The following KCNT2 variants were observed in gnomAD, a reference collection of about 807,000 sequenced individuals.
KCNT2 encodes potassium channel subfamily T member 2.
A neutral mutation model predicts 153.8 loss-of-function variants in KCNT2; 67 were observed. The ratio of observed to expected loss-of-function variants is 0.44; its 90% CI spans 0.36 to 0.53. The LOEUF is 0.53. Ranked by LOEUF, KCNT2 falls within the 20% of genes least tolerant of loss-of-function variation. The pLI, the probability that KCNT2 is intolerant of heterozygous loss-of-function variation, is 0.00. For synonymous variants in KCNT2, 500 were observed against 458.8 expected (o/e 1.09, Z -1.15); for missense variants, 975 against 1,354.8 (o/e 0.72, Z 4.40).
At chr1:196,437,330 ATATTTTTATT>A (rs1674805171) in intron 8 of KCNT2, among the ~76,000 whole-genome samples, 1 of 136,266 alleles carries the variant, frequency 7.3e-6, no homozygotes, top group Non-Finnish European at 1.6e-5. Context: ...ATACATAAAC[ATATTTTTATT>A]TATTTTTATT....
intron 13 of KCNT2, among the ~76,000 whole-genome samples, chr1:196,375,555 C>G (rs1269098280): frequency 6.6e-6 from 1 of 151,204 alleles, no homozygotes; most frequent in Non-Finnish European, 1.5e-5. Flanking sequence ...CTTTTTTTCC[C>G]ACTGTCTTCT....
At chr1:196,582,375 G>T (rs1662170819) in intron 1 of KCNT2, 1 of 154,104 alleles carries the variant, frequency 6.5e-6, no homozygotes, top group Admixed American at 6.6e-5. Flanking sequence ...AGGAGCTAAA[G>T]ATCCATGAAT....
At chr1:196,314,036 A>ATATG (rs1662458779) in intron 21 of KCNT2, among the ~76,000 whole-genome samples, 1 of 151,584 alleles carries the variant, frequency 6.6e-6, no homozygotes, top group Admixed American at 6.6e-5. Flanking sequence ...TAGTTGCCAT[A>ATATG]TATGTATCTG....
chr1:196,258,596 C>T lies in KCNT2; in HGVS notation c.2911-102G>A, dbSNP rs898088958. ...GCTAATATATTGTTATATTTCTACT[C>T]AGGAGAGTTTTCACAGAAAGAGCAA... On this transcript the variant is annotated intron_variant, in intron 25 of 27. Coordinates refer to ENST00000294725, the MANE Select transcript of KCNT2 (RefSeq NM_198503.5). The T allele has an allele frequency of 4.2e-6, 4 of 950,954 alleles. No individual in the cohort carries two copies. The South Asian group carries it at 4.6e-5, about 11-fold the overall frequency. 58.9% of individuals were successfully genotyped at this position (950,954 alleles called of 1,614,324 possible).
At chr1:196,470,876 C>CTTT (rs71154745) in intron 5 of KCNT2, among the ~76,000 whole-genome samples, 4 of 75,904 alleles carry the variant, frequency 5.3e-5, no homozygotes, top group African/African-American at 2.0e-4. Context: ...TTCTTTCTTT[C>CTTT]TTTTTTTTTT....
chr1:196,516,076 G>A (rs1450365376), intron 1 of KCNT2, among the ~76,000 whole-genome samples: 1 of 152,146 alleles, frequency 6.6e-6, no homozygotes, highest in South Asian at 2.1e-4. Context: ...GGTCAGACCT[G>A]CGTACATACC....
chr1:196,608,014 A>G (rs1347422118), intron 1 of KCNT2, among the ~76,000 whole-genome samples: 1 of 152,202 alleles, frequency 6.6e-6, no homozygotes, highest in African/African-American at 2.4e-5. Context: ...AGTGTAAAGA[A>G]AAAGAGTTCC....
intron 1 of KCNT2, among the ~76,000 whole-genome samples, chr1:196,499,996 T>C (rs1284849839): frequency 6.6e-6 from 1 of 151,694 alleles, no homozygotes; most frequent in African/African-American, 2.4e-5. Context: ...ATACAAAAAT[T>C]AGCTGGGTGT....
At chr1:196,554,351 G>A (rs1315566210) in intron 1 of KCNT2, among the ~76,000 whole-genome samples, 1 of 151,076 alleles carries the variant, frequency 6.6e-6, no homozygotes. Context: ...GAAATTCAAA[G>A]GATCATTAGT....
intron 10 of KCNT2, among the ~76,000 whole-genome samples, chr1:196,426,961 T>C (rs1673708846): frequency 1.3e-5 from 2 of 151,996 alleles, no homozygotes; most frequent in South Asian, 4.1e-4. Context: ...CCCAGACATG[T>C]TTCCAGTATA....
intron 27 of KCNT2, among the ~76,000 whole-genome samples, chr1:196,229,174 G>A (rs1653733852): frequency 2.6e-5 from 4 of 151,942 alleles, no homozygotes; most frequent in Admixed American, 1.3e-4. Context: ...ATAAATGGAA[G>A]GTTTGTGGCA....
chr1:196,302,732 T>G (rs926853115), intron 22 of KCNT2, among the ~76,000 whole-genome samples: 1 of 148,504 alleles, frequency 6.7e-6, no homozygotes, highest in Non-Finnish European at 1.5e-5. Context: ...CAGCACAACT[T>G]TTTTTTTTTT....
At chr1:196,497,821 T>A (rs1680375406) in intron 1 of KCNT2, among the ~76,000 whole-genome samples, 1 of 152,186 alleles carries the variant, frequency 6.6e-6, no homozygotes, top group Non-Finnish European at 1.5e-5. Flanking sequence ...GAATAAGTTG[T>A]CTTTGTGACG....
chr1:196,385,020 TA>T (rs1328524246), intron 13 of KCNT2, among the ~76,000 whole-genome samples: 7 of 151,978 alleles, frequency 4.6e-5, no homozygotes, highest in African/African-American at 1.7e-4. Context: ...AACTAACATA[TA>T]AAAAAGATTG....
intron 1 of KCNT2, among the ~76,000 whole-genome samples, chr1:196,533,489 C>A (rs1484636862): frequency 6.6e-6 from 1 of 152,086 alleles, no homozygotes; most frequent in Non-Finnish European, 1.5e-5. Flanking sequence ...AGCACTCTTA[C>A]AAACCAAAAT....
rs535008112 is a variant in KCNT2 at position 196,488,367 on chromosome 1, T to C, written c.275+1471A>G. ...GAACATTGTATTCAAAATGGAACCATAAATATTTTTTAATTACTGTAATCT... is the reference window on the plus strand; with the variant it reads ...GAACATTGTATTCAAAATGGAACCACAAATATTTTTTAATTACTGTAATCT... On this transcript the variant is annotated intron_variant, in intron 3 of 27. Coordinates refer to ENST00000294725, the MANE Select transcript of KCNT2 (RefSeq NM_198503.5). Among the ~76,000 whole-genome samples the C allele has an allele frequency of 2.0e-5, 3 of 152,094 alleles. 1 individual carries two copies. The East Asian group carries it at 5.8e-4, about 29-fold the overall frequency.
intron 14 of KCNT2, among the ~76,000 whole-genome samples, chr1:196,346,676 T>G (rs1184542883): frequency 6.6e-6 from 1 of 152,164 alleles, no homozygotes; most frequent in Non-Finnish European, 1.5e-5. Context: ...AAAAAGAATG[T>G]TGTGTTGGTA....
chr1:196,389,366 T>G (rs1670277295), intron 13 of KCNT2, among the ~76,000 whole-genome samples: 2 of 151,740 alleles, frequency 1.3e-5, no homozygotes, highest in South Asian at 4.1e-4. Context: ...TAAATTTTTT[T>G]TTCTCCTCTC....
chr1:196,469,629 A>C (rs1319227418), intron 5 of KCNT2, among the ~76,000 whole-genome samples: 1 of 152,180 alleles, frequency 6.6e-6, no homozygotes, highest in Admixed American at 6.5e-5. Context: ...GCAAAATGAA[A>C]AATATGAGGC....
Sources: gnomAD v4.1 joint callset for allele counts (sites outside exome capture counted in the v4.1 genomes callset) on GRCh38, gnomAD v4.1.1 for gene constraint, MANE v1.5 for transcripts, NCBI Gene and HGNC (gene_info 2026-07-23, HGNC 2026-07-21) for gene names.